Variants in KLHL14 observed in about 807,000 individuals in gnomAD.
KLHL14 encodes kelch like family member 14.
KLHL14 carries 22 observed loss-of-function variants against 64.3 expected under a neutral mutation model. The ratio of observed to expected loss-of-function variants is 0.34; its 90% CI spans 0.24 to 0.49. The LOEUF is 0.49. Ranked by LOEUF, KLHL14 falls within the 20% of genes least tolerant of loss-of-function variation. The pLI, the probability that KLHL14 is intolerant of heterozygous loss-of-function variation, is 0.99. For synonymous variants in KLHL14, 322 were observed against 333.4 expected (o/e 0.97, Z 0.37); for missense variants, 661 against 789.0 (o/e 0.84, Z 1.94).
In KLHL14 at chr18:32,673,364, GT is replaced by G. The variant is rs2144458078; in HGVS notation, c.*1292del. Reference sequence around the variant, plus strand: ...TAGGCTTTTATTTACTCCTAAAGTTGTTGTTCAAGCTCTGGAGGGCTTGAAA... The same window carrying G: ...TAGGCTTTTATTTACTCCTAAAGTTGTGTTCAAGCTCTGGAGGGCTTGAAA... On this transcript the variant is annotated 3_prime_UTR_variant, in exon 9 of 9. Transcript: ENST00000359358. The G allele has an allele frequency of 6.6e-6, 1 of 152,308 alleles. No homozygotes were observed. Among genetic ancestry groups the G allele is most frequent in the African/African-American group, 2.4e-5 (1 of 41,570 alleles). 9.4% of individuals were successfully genotyped at this position (152,308 alleles called of 1,614,324 possible). A position where few individuals can be genotyped will look rare whatever the true frequency, so the allele number is the denominator to read the frequency against.
chr18:32,745,768 A>C lies in KLHL14; in HGVS notation c.948-3719T>G, dbSNP rs543443252. Among the ~76,000 whole-genome samples the C allele has an allele frequency of 4.4e-4, 67 of 152,346 alleles. 1 individual carries two copies. The South Asian group carries it at 0.013, about 30-fold the overall frequency. ...TATAATAGTGACAATGACAATAACG[A>C]CAGTTAATAATGAATGCATATTGAA... is the stretch of plus-strand genomic sequence containing the variant. On this transcript the variant is annotated intron_variant, in intron 2 of 8. Transcript: ENST00000359358.
At chr18:32,753,457 T>C (rs2050266927) in intron 2 of KLHL14, among the ~76,000 whole-genome samples, 1 of 143,938 alleles carries the variant, frequency 6.9e-6, no homozygotes, top group Non-Finnish European at 1.5e-5. Flanking sequence ...TCCTCCACAA[T>C]TCTTCCAGAA....
chr18:32,763,827 G>C (rs1303039189), intron 2 of KLHL14, among the ~76,000 whole-genome samples: 1 of 152,096 alleles, frequency 6.6e-6, no homozygotes, highest in Admixed American at 6.5e-5. Flanking sequence ...CACATTTTTG[G>C]ATCAAGGTCA....
At chr18:32,712,027 T>TA (rs1463173879) in intron 3 of KLHL14, among the ~76,000 whole-genome samples, 1 of 152,226 alleles carries the variant, frequency 6.6e-6, no homozygotes, top group Non-Finnish European at 1.5e-5. Flanking sequence ...ATCGAGGGGC[T>TA]AATGGGCCTA....
intron 3 of KLHL14, among the ~76,000 whole-genome samples, chr18:32,708,675 G>C (rs1275752234): frequency 2.0e-5 from 3 of 152,184 alleles, no homozygotes; most frequent in African/African-American, 7.2e-5. Context: ...TGAGTGACTG[G>C]TCTAGAGAGG....
At chr18:32,682,707 C>T (rs943107512) in intron 5 of KLHL14, among the ~76,000 whole-genome samples, 4 of 152,320 alleles carry the variant, frequency 2.6e-5, no homozygotes, top group South Asian at 4.1e-4. Context: ...GCTTCAGTTA[C>T]TTTCTCATTG....
chr18:32,698,914 A>G (rs982983803), intron 3 of KLHL14, among the ~76,000 whole-genome samples: 4 of 152,178 alleles, frequency 2.6e-5, no homozygotes, highest in African/African-American at 9.7e-5. Context: ...TTAATTAAGA[A>G]AGTAGGAATC....
In KLHL14 at chr18:32,770,529, G is replaced by A. The variant is rs2050377659; in HGVS notation, c.63C>T (p.His21=). Residue 21 remains histidine (H), a synonymous_variant, in exon 2 of 9, where the codon CAC becomes CAT. Transcript: ENST00000359358. This position sits in a 1 kb window ranked among gnomAD's most constrained non-coding sequence, Gnocchi z 6.7. ...GCTTCCTCCACAGCAGGTTGAGGCCGTGCAGCAGGTTGTCGCTGTGGCTGG... is the reference window on the plus strand; with the variant it reads ...GCTTCCTCCACAGCAGGTTGAGGCCATGCAGCAGGTTGTCGCTGTGGCTGG... The part of the protein sequence containing the change: ...FDPSHSDNLL[H]GLNLLWRKQL... 1 of 1,607,768 alleles carries A rather than the reference G, an allele frequency of 6.2e-7. No homozygotes were observed. The highest frequency in any genetic ancestry group is 8.5e-7 in the Non-Finnish European group (1 of 1,179,112).
At chr18:32,771,552 T>A (rs1211433132) in intron 1 of KLHL14, among the ~76,000 whole-genome samples, 1 of 151,912 alleles carries the variant, frequency 6.6e-6, no homozygotes, top group Non-Finnish European at 1.5e-5. Flanking sequence ...TCTCGCTCAT[T>A]TCAAAGCGCG....
At chr18:32,725,186 C>T (rs528461683) in intron 3 of KLHL14, among the ~76,000 whole-genome samples, 3 of 152,158 alleles carry the variant, frequency 2.0e-5, no homozygotes, top group Admixed American at 6.5e-5. Context: ...ACCAACACAC[C>T]TGACTACTTA....
chr18:32,743,369 G>T (rs114346042), intron 2 of KLHL14: 1 of 150,630 alleles, frequency 6.6e-6, no homozygotes, highest in Non-Finnish European at 1.5e-5. Flanking sequence ...CCTAACATTC[G>T]GAGAGTTAAC....
chr18:32,741,888 T>C, intron 3 of KLHL14, 40 bp downstream of exon 3: 1 of 1,513,484 alleles, frequency 6.6e-7, no homozygotes. Context: ...TAACCTGAAA[T>C]AAATAGGTGA....
intron 3 of KLHL14, among the ~76,000 whole-genome samples, chr18:32,702,580 ATAT>A (rs577590364): frequency 1.4e-3 from 216 of 151,826 alleles, no homozygotes; most frequent in African/African-American, 4.8e-3. Context: ...ATAATTTAAG[ATAT>A]TATTAAATAA....
At chr18:32,756,923 A>T (rs2050285098) in intron 2 of KLHL14, among the ~76,000 whole-genome samples, 1 of 152,214 alleles carries the variant, frequency 6.6e-6, no homozygotes, top group Non-Finnish European at 1.5e-5. Context: ...ATTTGTTGAA[A>T]ATGCATTCTA....
chr18:32,768,461 G>T (rs78345847), intron 2 of KLHL14, among the ~76,000 whole-genome samples: 1 of 150,962 alleles, frequency 6.6e-6, no homozygotes, highest in Non-Finnish European at 1.5e-5. Flanking sequence ...TGCACAAGGT[G>T]GGCCCCATTC....
At chr18:32,701,973 G>T (rs2049968311) in intron 3 of KLHL14, among the ~76,000 whole-genome samples, 1 of 152,188 alleles carries the variant, frequency 6.6e-6, no homozygotes, top group Non-Finnish European at 1.5e-5. Context: ...TGCCAGTATG[G>T]TGAGTGAACA....
At chr18:32,712,288 A>G (rs1188886471) in intron 3 of KLHL14, among the ~76,000 whole-genome samples, 2 of 152,162 alleles carry the variant, frequency 1.3e-5, no homozygotes, top group African/African-American at 2.4e-5. Context: ...CTGCTCCCTG[A>G]TTTACTTTTA....
intron 3 of KLHL14, among the ~76,000 whole-genome samples, chr18:32,721,410 C>T (rs778542885): frequency 9.6e-4 from 146 of 151,892 alleles, no homozygotes; most frequent in Non-Finnish European, 1.8e-3. Context: ...ATAAGCTCTT[C>T]CTAATGGGAG....
intron 3 of KLHL14, among the ~76,000 whole-genome samples, chr18:32,728,371 C>T (rs542348361): frequency 4.7e-4 from 72 of 152,306 alleles, no homozygotes; most frequent in African/African-American, 1.7e-3. Flanking sequence ...TCCATTTCTG[C>T]ATCTTAAGTA....
Sources: gnomAD v4.1 joint callset for allele counts (sites outside exome capture counted in the v4.1 genomes callset) on GRCh38, gnomAD v4.1.1 for gene constraint, Gnocchi (gnomAD v3.1) non-coding constraint, MANE v1.5 for transcripts, NCBI Gene and HGNC (gene_info 2026-07-23, HGNC 2026-07-21) for gene names.